The following ABR variants were observed in gnomAD, a reference collection of about 807,000 sequenced individuals.
ABR encodes the protein active breakpoint cluster region-related protein.
A neutral mutation model predicts 107.2 loss-of-function variants in ABR; 35 were observed. That is an observed-to-expected ratio of 0.33 (90% CI 0.25 to 0.43). ABR has a LOEUF of 0.43. Ranked by LOEUF, ABR falls within the 20% of genes least tolerant of loss-of-function variation. ABR has a pLI of 1.00. For synonymous variants in ABR, 498 were observed against 462.0 expected, an observed-to-expected ratio of 1.08 and a Z score of -1.00; for missense variants, 815 against 1,115.2, an observed-to-expected ratio of 0.73 and a Z score of 3.83.
rs2073277234 is a variant in ABR, at chr17:1,037,385, C to T, written c.1791+12665G>A. Among the ~76,000 whole-genome samples the T allele has an allele frequency of 6.6e-6, 1 of 152,180 alleles. No homozygotes were observed. Among genetic ancestry groups the T allele is most frequent in the South Asian group, 2.1e-4 (1 of 4,820 alleles). Reference sequence around the variant, plus strand: ...CTCTCTGGCCACGTCAGGCTGGTGTCGCCAGGGTGCTCGGTGGTTCTAGGT... The same window carrying T: ...CTCTCTGGCCACGTCAGGCTGGTGTTGCCAGGGTGCTCGGTGGTTCTAGGT... On this transcript the variant is annotated intron_variant, in intron 16 of 22. Transcript: ENST00000302538. This position sits in a 1 kb window ranked among gnomAD's most constrained non-coding sequence, Gnocchi z 4.6.
chr17:1,229,230 C>T (rs944329191), exon 1 of ABR, among the ~76,000 whole-genome samples: 1 of 151,632 alleles, frequency 6.6e-6, no homozygotes, highest in African/African-American at 2.4e-5. Context: ...CTCCCGGGCC[C>T]GGAACCGCAG....
chr17:1,220,943 G>C (rs2043109596), intron 1 of ABR, among the ~76,000 whole-genome samples: 1 of 152,188 alleles, frequency 6.6e-6, no homozygotes, highest in East Asian at 1.9e-4. Context: ...TTTGAGAGCA[G>C]CTCTTCACAG....
intron 2 of ABR, among the ~76,000 whole-genome samples, chr17:1,124,238 G>T (rs557139539): frequency 3.9e-5 from 6 of 152,228 alleles, no homozygotes; most frequent in South Asian, 2.1e-4. Flanking sequence ...CAGCTGGGGT[G>T]GGGGGGCACT....
chr17:1,024,968 A>G, intron 16 of ABR, among the ~76,000 whole-genome samples: 1 of 151,104 alleles, frequency 6.6e-6, no homozygotes, highest in Non-Finnish European at 1.5e-5. Flanking sequence ...AAAAATACAA[A>G]AAATTAGCTG....
At chr17:1,031,839 C>T (rs2072806811) in intron 16 of ABR, 1 of 1,224,132 alleles carries the variant, frequency 8.2e-7, no homozygotes, top group Non-Finnish European at 1.0e-6. Flanking sequence ...GCCGGCTTTC[C>T]CCGCGCTCGC....
chr17:1,152,664 A>G (rs567398966), intron 1 of ABR, among the ~76,000 whole-genome samples: 1 of 152,090 alleles, frequency 6.6e-6, no homozygotes, highest in Non-Finnish European at 1.5e-5. Flanking sequence ...CACCTGGAAC[A>G]CAGACTTTTT....
chr17:1,149,950 T>A (rs1301294027), intron 1 of ABR, among the ~76,000 whole-genome samples: 2 of 152,174 alleles, frequency 1.3e-5, no homozygotes, highest in African/African-American at 2.4e-5. Flanking sequence ...CATGCAGCTT[T>A]TGTGACAGTT....
chr17:1,220,883 A>G (rs1439256606), intron 1 of ABR, among the ~76,000 whole-genome samples: 1 of 152,148 alleles, frequency 6.6e-6, no homozygotes, highest in African/African-American at 2.4e-5. Flanking sequence ...GGGAGAGAAA[A>G]GGGGTCTAAA....
At chr17:1,170,410 T>C (rs1332943109) in intron 1 of ABR, among the ~76,000 whole-genome samples, 2 of 152,134 alleles carry the variant, frequency 1.3e-5, no homozygotes, top group Non-Finnish European at 2.9e-5. Flanking sequence ...TCTGCGACCT[T>C]GAATTAATTA....
At chr17:1,006,370 A>G (rs570891879) in intron 22 of ABR, among the ~76,000 whole-genome samples, 1 of 152,170 alleles carries the variant, frequency 6.6e-6, no homozygotes, top group East Asian at 1.9e-4. Flanking sequence ...CACTTCCCCA[A>G]CCTGGCCATA....
upstream of ABR, among the ~76,000 whole-genome samples, chr17:1,180,322 C>T (rs2042092083): frequency 1.3e-5 from 2 of 152,136 alleles, no homozygotes; most frequent in African/African-American, 4.8e-5. Context: ...CCGGGATCTC[C>T]AAGCGCGGCT....
chr17:1,123,553 C>G (rs934941051), intron 2 of ABR, among the ~76,000 whole-genome samples: 1 of 152,154 alleles, frequency 6.6e-6, no homozygotes, highest in East Asian at 1.9e-4. Flanking sequence ...GGTGGTCACG[C>G]GACAAGGACA....
intron 1 of ABR, among the ~76,000 whole-genome samples, chr17:1,138,506 C>T (rs1322752451): frequency 6.6e-6 from 1 of 151,970 alleles, no homozygotes; most frequent in East Asian, 1.9e-4. Context: ...GAGACAGAGT[C>T]TCGCTCTGTT....
In ABR at chr17:1,091,339, A is replaced by C. The variant is rs533203653; in HGVS notation, c.531+326T>G. On this transcript the variant is annotated intron_variant, in intron 4 of 22. Coordinates refer to ENST00000302538, the MANE Select transcript of ABR (RefSeq NM_021962.5). ...GACGGAGCACCCTCCGGGAGGGAGA[A>C]GGAGCACCCTCCGGGAGAGAGATGG... is the stretch of plus-strand genomic sequence containing the variant. Among the ~76,000 whole-genome samples the C allele has an allele frequency of 1.9e-3, 220 of 114,870 alleles. 3 individuals carry two copies. In the South Asian group the frequency reaches 0.06, roughly 31 times the overall value. 75.4% of individuals were successfully genotyped at this position (114,870 alleles called of 152,430 possible).
chr17:1,159,661 A>G (rs1248724378), intron 1 of ABR, among the ~76,000 whole-genome samples: 2 of 72,192 alleles, frequency 2.8e-5, no homozygotes, highest in African/African-American at 5.2e-5. Context: ...CACACACAGG[A>G]GAAGTAAGAA....
chr17:1,170,078 C>G (rs1471988576), intron 1 of ABR, among the ~76,000 whole-genome samples: 2 of 152,032 alleles, frequency 1.3e-5, no homozygotes, highest in Admixed American at 1.3e-4. Flanking sequence ...CACAGCAATG[C>G]AGGCACGTGG....
chr17:1,090,903 T>G (rs1251790093), intron 4 of ABR, among the ~76,000 whole-genome samples: 2 of 152,066 alleles, frequency 1.3e-5, no homozygotes, highest in Non-Finnish European at 2.9e-5. Context: ...GGGAGCTCCA[T>G]GAGTCTGACC....
At chr17:1,216,333 T>G (rs1465610260) in intron 1 of ABR, among the ~76,000 whole-genome samples, 1 of 152,198 alleles carries the variant, frequency 6.6e-6, no homozygotes, top group Non-Finnish European at 1.5e-5. Flanking sequence ...CCACAGGGGC[T>G]GTGTCATTTG....
At chr17:1,104,766 C>G (rs902374763) in intron 2 of ABR, among the ~76,000 whole-genome samples, 2 of 152,228 alleles carry the variant, frequency 1.3e-5, no homozygotes, top group African/African-American at 4.8e-5. Flanking sequence ...GAATTTAGAA[C>G]AGAGAAGACG....
Sources: allele counts gnomAD v4.1 joint callset (sites outside exome capture counted in the v4.1 genomes callset), GRCh38; gene constraint gnomAD v4.1.1; non-coding constraint Gnocchi (gnomAD v3.1); transcripts MANE v1.5; gene names NCBI Gene and HGNC (gene_info 2026-07-23, HGNC 2026-07-21).